Variants in MACROD2 observed in about 807,000 individuals in gnomAD.
MACROD2 encodes the protein ADP-ribose glycohydrolase MACROD2.
A neutral mutation model predicts 70.4 loss-of-function variants in MACROD2; 36 were observed. The ratio of observed to expected loss-of-function variants is 0.51; its 90% CI spans 0.39 to 0.68. The LOEUF (loss-of-function observed/expected upper bound fraction) is 0.68. Ranked by LOEUF, MACROD2 falls within the 30% of genes least tolerant of loss-of-function variation. The probability of loss-of-function intolerance (pLI) is 0.00; values close to 1 mark genes in which losing one functional copy is unlikely to be tolerated. For synonymous variants in MACROD2, 172 were observed against 178.8 expected (o/e 0.96, Z 0.30); for missense variants, 496 against 538.4 (o/e 0.92, Z 0.78).
At chr20:14,362,054 A>T (rs2083226990) in intron 3 of MACROD2, among the ~76,000 whole-genome samples, 1 of 152,250 alleles carries the variant, frequency 6.6e-6, no homozygotes, top group African/African-American at 2.4e-5. Context: ...TTTGCCCAGT[A>T]GGCCAAGTGT....
At chr20:14,221,888 C>T (rs1293146246) in intron 3 of MACROD2, among the ~76,000 whole-genome samples, 1 of 152,212 alleles carries the variant, frequency 6.6e-6, no homozygotes, top group Admixed American at 6.5e-5. Context: ...ATTCAACTCA[C>T]TAATCATAAG....
At chr20:15,029,273 C>A (rs2075256557) in intron 5 of MACROD2, among the ~76,000 whole-genome samples, 1 of 152,308 alleles carries the variant, frequency 6.6e-6, no homozygotes, top group East Asian at 1.9e-4. Context: ...GAATCCCTTC[C>A]TAAATTCTCA....
chr20:14,666,402 T>C lies in MACROD2; in HGVS notation c.302-18441T>C, dbSNP rs148435789. On this transcript the variant is annotated intron_variant, in intron 4 of 17. Transcript: ENST00000684519. Reference sequence around the variant, plus strand: ...TCTTAGCAGGGAAGTTTCCAGAAAGTTGGGGACTTTCTGTATCCCTTGACT... The same window carrying C: ...TCTTAGCAGGGAAGTTTCCAGAAAGCTGGGGACTTTCTGTATCCCTTGACT... Among the ~76,000 whole-genome samples, 105 of 152,270 alleles carry C rather than the reference T, an allele frequency of 6.9e-4. No individual in the cohort carries two copies. The East Asian group carries it at 0.011, about 16-fold the overall frequency.
chr20:15,381,498 A>G (rs1568763784), intron 6 of MACROD2, among the ~76,000 whole-genome samples: 1 of 141,588 alleles, frequency 7.1e-6, no homozygotes, highest in African/African-American at 2.9e-5. Flanking sequence ...TCCCATCTCT[A>G]CAAAAAAAAA....
intron 6 of MACROD2, among the ~76,000 whole-genome samples, chr20:15,252,848 AAGGATGCCAC>A (rs1431502020): frequency 6.6e-6 from 1 of 152,128 alleles, no homozygotes; most frequent in Admixed American, 6.5e-5. Context: ...CTCACCAGAG[AAGGATGCCAC>A]CTACAGAGCC....
chr20:15,747,846 G>C (rs932922231), intron 8 of MACROD2, among the ~76,000 whole-genome samples: 2 of 152,080 alleles, frequency 1.3e-5, no homozygotes, highest in African/African-American at 4.8e-5. Context: ...AAAAAGAGTG[G>C]TGAGAGGGGC....
intron 5 of MACROD2, among the ~76,000 whole-genome samples, chr20:15,185,059 C>T (rs1043457764): frequency 6.6e-6 from 1 of 152,152 alleles, no homozygotes; most frequent in African/African-American, 2.4e-5. Flanking sequence ...GAGCTTGACA[C>T]TTTGTTGATT....
chr20:15,616,252 T>C (rs2049037639), intron 8 of MACROD2, among the ~76,000 whole-genome samples: 1 of 151,862 alleles, frequency 6.6e-6, no homozygotes, highest in Non-Finnish European at 1.5e-5. Context: ...TACAGGTGTA[T>C]GCCACGACAC....
At chr20:15,467,455 T>A (rs1246747742) in intron 7 of MACROD2, among the ~76,000 whole-genome samples, 2 of 152,244 alleles carry the variant, frequency 1.3e-5, no homozygotes, top group African/African-American at 2.4e-5. Flanking sequence ...TCTCAGTTAA[T>A]CTTTCCTACC....
intron 5 of MACROD2, among the ~76,000 whole-genome samples, chr20:14,816,769 G>A (rs1011795923): frequency 1.3e-5 from 2 of 151,854 alleles, no homozygotes; most frequent in Non-Finnish European, 1.5e-5. Context: ...TGGACAAATT[G>A]GGTAATGGAA....
At chr20:14,580,675 A>T (rs1980953884) in intron 4 of MACROD2, among the ~76,000 whole-genome samples, 1 of 152,216 alleles carries the variant, frequency 6.6e-6, no homozygotes, top group Non-Finnish European at 1.5e-5. Context: ...GCAGCATTAT[A>T]GCTAAAAATG....
chr20:14,462,361 A>G (rs1234118177), intron 3 of MACROD2, among the ~76,000 whole-genome samples: 3 of 151,680 alleles, frequency 2.0e-5, no homozygotes, highest in Non-Finnish European at 4.4e-5. Flanking sequence ...CATATCCTTC[A>G]CCCACTTTTT....
intron 5 of MACROD2, among the ~76,000 whole-genome samples, chr20:15,178,610 G>A (rs2076478819): frequency 6.6e-6 from 1 of 152,206 alleles, no homozygotes; most frequent in Non-Finnish European, 1.5e-5. Flanking sequence ...AATGGGATCT[G>A]ATGTCTCTGC....
At chr20:14,169,017 G>A (rs2081195447) in intron 3 of MACROD2, among the ~76,000 whole-genome samples, 1 of 152,088 alleles carries the variant, frequency 6.6e-6, no homozygotes, top group Admixed American at 6.5e-5. Flanking sequence ...TGATTAAGTG[G>A]GTTTCATACC....
At chr20:14,680,077 G>A (rs2070913267) in intron 4 of MACROD2, among the ~76,000 whole-genome samples, 1 of 152,166 alleles carries the variant, frequency 6.6e-6, no homozygotes, top group South Asian at 2.1e-4. Context: ...GGCTGAAATA[G>A]AAAGCAATAG....
intron 8 of MACROD2, among the ~76,000 whole-genome samples, chr20:15,660,722 T>C (rs2049808589): frequency 6.6e-6 from 1 of 152,204 alleles, no homozygotes; most frequent in Non-Finnish European, 1.5e-5. Context: ...CAGATAAAAT[T>C]GCAGGACCCA....
intron 5 of MACROD2, among the ~76,000 whole-genome samples, chr20:15,167,874 T>C (rs905304016): frequency 6.6e-6 from 1 of 152,154 alleles, no homozygotes; most frequent in African/African-American, 2.4e-5. Flanking sequence ...GTATTCTTCT[T>C]GAGAGCAGGA....
chr20:14,088,175 A>G (rs1357474424), intron 3 of MACROD2, among the ~76,000 whole-genome samples: 1 of 151,992 alleles, frequency 6.6e-6, no homozygotes, highest in Non-Finnish European at 1.5e-5. Flanking sequence ...CCAAAAATTC[A>G]AAAATTAGCC....
chr20:14,768,985 G>A (rs2072129643), intron 5 of MACROD2, among the ~76,000 whole-genome samples: 1 of 152,092 alleles, frequency 6.6e-6, no homozygotes, highest in Non-Finnish European at 1.5e-5. Context: ...ATTGAGACCA[G>A]GAGACAGAGT....
Sources: allele counts gnomAD v4.1 joint callset (sites outside exome capture counted in the v4.1 genomes callset), GRCh38; gene constraint gnomAD v4.1.1; transcripts MANE v1.5; gene names NCBI Gene and HGNC (gene_info 2026-07-23, HGNC 2026-07-21).